The following CEP63 variants were observed in gnomAD, a reference collection of about 807,000 sequenced individuals.
The protein encoded by CEP63 is centrosomal protein of 63 kDa.
Under a neutral mutation model 89.1 loss-of-function variants are expected in CEP63, and 84 were observed. The ratio of observed to expected loss-of-function variants is 0.94; its 90% CI spans 0.79 to 1.13. The LOEUF is 1.13. Among genes scored for constraint, CEP63 ranks in the 50% most tolerant of loss-of-function variants. The probability of loss-of-function intolerance (pLI) is 0.00; values close to 1 mark genes in which losing one functional copy is unlikely to be tolerated. For missense variants in CEP63, 838 were observed against 813.3 expected, an observed-to-expected ratio of 1.03 and a Z score of -0.37; for synonymous variants, 267 against 272.5, an observed-to-expected ratio of 0.98 and a Z score of 0.20.
At chr3:134,643,433 C>A in the CEP63 span, 1 of 1,479,474 alleles carries the variant, frequency 6.8e-7, no homozygotes, top group Non-Finnish European at 9.4e-7. Flanking sequence ...TTTCCCCAGG[C>A]AGAGCAAAGA....
rs147203916 is a variant in CEP63, at chr3:134,561,389, G to A, written c.1966G>A (p.Val656Ile). 1.0e-4 allele frequency: 162 copies of A among 1,613,882 alleles called. 1 individual carries two copies. In the African/African-American group the frequency reaches 1.9e-3, roughly 19 times the overall value. Residue 656 changes from valine (V) to isoleucine (I), a missense_variant, in exon 15 of 15, where the codon GTA becomes ATA. By Grantham distance (29) the Val-to-Ile change is conservative. Coordinates refer to ENST00000675561, the MANE Select transcript of CEP63 (RefSeq NM_001353108.3). Reference sequence around the variant, plus strand: ...GTGTCTCTTCCAGTGTTCCTTGCCTGTATCTCCCCTTGGTTCAATAGCTAC... The same window carrying A: ...GTGTCTCTTCCAGTGTTCCTTGCCTATATCTCCCCTTGGTTCAATAGCTAC... ...EEFISSCSLP[V>I]SPLGSIATRF... is the part of the protein sequence containing the mutation.
chr3:134,739,281 A>G, the CEP63 span, among the ~76,000 whole-genome samples: 13 of 152,372 alleles, frequency 8.5e-5, no homozygotes, highest in African/African-American at 2.4e-4. Flanking sequence ...TGATATCTAT[A>G]GAAAAAAGAA....
the CEP63 span, among the ~76,000 whole-genome samples, chr3:134,663,983 A>G: frequency 2.0e-5 from 3 of 152,084 alleles, no homozygotes. Flanking sequence ...GGGCTTGGGG[A>G]GAGCTTCTAG....
the CEP63 span, among the ~76,000 whole-genome samples, chr3:134,679,062 C>G: frequency 1.3e-5 from 2 of 150,598 alleles, no homozygotes; most frequent in Non-Finnish European, 2.9e-5. Context: ...CCATTGACAT[C>G]CATGCTTTTG....
At chr3:134,525,841 T>A (rs1167394945) in intron 3 of CEP63, among the ~76,000 whole-genome samples, 1 of 152,210 alleles carries the variant, frequency 6.6e-6, no homozygotes, top group African/African-American at 2.4e-5. Context: ...GGTGACCTGA[T>A]CTTTCTCTCT....
At chr3:134,655,419 G>T in the CEP63 span, among the ~76,000 whole-genome samples, 1 of 152,232 alleles carries the variant, frequency 6.6e-6, no homozygotes. Flanking sequence ...GCACAGCACA[G>T]TTCTGCTTCC....
At chr3:134,744,034 G>A in the CEP63 span, among the ~76,000 whole-genome samples, 4 of 152,122 alleles carry the variant, frequency 2.6e-5, no homozygotes, top group Non-Finnish European at 5.9e-5. Flanking sequence ...GGTCTCTGTG[G>A]AGTGTGATAT....
chr3:134,526,885 G>A (rs1473454396), intron 3 of CEP63, among the ~76,000 whole-genome samples: 2 of 151,110 alleles, frequency 1.3e-5, no homozygotes, highest in Non-Finnish European at 2.9e-5. Flanking sequence ...CCATTGCTCA[G>A]CCCCCAACTC....
At chr3:134,728,992 C>A in the CEP63 span, among the ~76,000 whole-genome samples, 1 of 152,154 alleles carries the variant, frequency 6.6e-6, no homozygotes, top group African/African-American at 2.4e-5. Context: ...CACAGACACA[C>A]AAACACACAG....
At chr3:134,748,496 A>G in the CEP63 span, among the ~76,000 whole-genome samples, 1 of 152,130 alleles carries the variant, frequency 6.6e-6, no homozygotes, top group Non-Finnish European at 1.5e-5. Context: ...TCAGACTCCA[A>G]CTTTACTGTT....
chr3:134,547,604 G>GGTTTTATTTTTTT, intron 9 of CEP63, 132 bp downstream of exon 9: 5 of 179,010 alleles, frequency 2.8e-5, no homozygotes, highest in South Asian at 2.1e-4. Flanking sequence ...AATGGCCTAA[G>GGTTTTATTTTTTT]TTCTTATTTC....
the CEP63 span, among the ~76,000 whole-genome samples, chr3:134,697,266 TA>T: frequency 6.6e-6 from 1 of 151,652 alleles, no homozygotes; most frequent in Non-Finnish European, 1.5e-5. Flanking sequence ...CATCTCAGCC[TA>T]ACATAAAGAA....
chr3:134,584,967 T>TTGTTTTGTA (rs1400438295), intron 10 of CEP63, among the ~76,000 whole-genome samples: 1 of 148,096 alleles, frequency 6.8e-6, no homozygotes, highest in African/African-American at 2.5e-5. Context: ...TTTTTTTTTT[T>TTGTTTTGTA]TTTTTTTGCA....
the CEP63 span, among the ~76,000 whole-genome samples, chr3:134,654,954 A>G: frequency 6.6e-6 from 1 of 152,116 alleles, no homozygotes; most frequent in Non-Finnish European, 1.5e-5. Flanking sequence ...CACACCCACC[A>G]AATTTGGAAA....
chr3:134,521,853 AT>A (rs1947535458), intron 3 of CEP63, among the ~76,000 whole-genome samples: 2 of 152,062 alleles, frequency 1.3e-5, no homozygotes, highest in African/African-American at 4.8e-5. Context: ...TGAATTCCAC[AT>A]TATTGTTTTT....
chr3:134,561,486 TAA>T lies in CEP63; in HGVS notation c.2067_2068del (p.Ser692Ter), dbSNP rs763160030. The T allele has an allele frequency of 1.2e-6, 2 of 1,613,824 alleles. No homozygotes were observed. The highest frequency in any genetic ancestry group is 1.7e-6 in the Non-Finnish European group (2 of 1,179,944). ...CGCTTGGATGCCCATATTGAAGAAC[TAA>T]AAAGAGAGAGTGAAAAGACAGTGAG... On this transcript the variant is annotated frameshift_variant, in exon 15 of 15. Coordinates refer to ENST00000675561, the MANE Select transcript of CEP63 (RefSeq NM_001353108.3). LOFTEE classifies it high-confidence loss of function.
Position 134,561,914 on chromosome 3 carries a change from T to C in CEP63, c.*379T>C, listed in dbSNP as rs185984374. ...GCAGGAACTTTCTTTAGGGGAAATG[T>C]GTAGAAGCATGGATTTAGGGGTCAA... On this transcript the variant is annotated 3_prime_UTR_variant, in exon 15 of 15. Coordinates refer to ENST00000675561, the MANE Select transcript of CEP63 (RefSeq NM_001353108.3). 1.2e-5 allele frequency: 13 copies of C among 1,061,958 alleles called. No homozygotes were observed. In the East Asian group the frequency reaches 1.0e-3, roughly 82 times the overall value. The allele number at this position is 1,061,958 out of a possible 1,614,324, so 65.8% of individuals were successfully genotyped here.
chr3:134,587,171 T>C (rs1286157798), intron 10 of CEP63, among the ~76,000 whole-genome samples: 1 of 152,214 alleles, frequency 6.6e-6, no homozygotes, highest in Non-Finnish European at 1.5e-5. Context: ...CTGTTATGAC[T>C]GACCTTCTGA....
chr3:134,531,972 T>A, intron 4 of CEP63, 32 bp downstream of exon 4: 2 of 1,463,386 alleles, frequency 1.4e-6, no homozygotes, highest in Non-Finnish European at 1.9e-6. Flanking sequence ...ATGTTGTGTG[T>A]GTAGTTCTCT....
Sources: gnomAD v4.1 joint callset for allele counts (sites outside exome capture counted in the v4.1 genomes callset) on GRCh38, gnomAD v4.1.1 for gene constraint, MANE v1.5 for transcripts, NCBI Gene and HGNC (gene_info 2026-07-23, HGNC 2026-07-21) for gene names.